The following MAGI2 variants were observed in gnomAD, a reference collection of about 807,000 sequenced individuals.
The protein encoded by MAGI2 is membrane associated guanylate kinase, WW and PDZ domain containing 2.
MAGI2 carries 35 observed loss-of-function variants against 133.3 expected under a neutral mutation model. That is an observed-to-expected ratio of 0.26 (90% CI 0.20 to 0.35). The LOEUF is 0.35. Among genes scored for constraint, MAGI2 ranks in the 10% least tolerant of loss-of-function variants. MAGI2 has a pLI of 1.00. For synonymous variants in MAGI2, 729 were observed against 710.6 expected (o/e 1.03, Z -0.41); for missense variants, 1,636 against 1,863.4 (o/e 0.88, Z 2.25).
intron 1 of MAGI2, among the ~76,000 whole-genome samples, chr7:79,039,857 A>C (rs1175173203): frequency 7.0e-6 from 1 of 143,724 alleles, no homozygotes; most frequent in African/African-American, 2.6e-5. Flanking sequence ...CATATATATT[A>C]TATATATATA....
At chr7:78,403,582 T>C (rs1797102899) in intron 6 of MAGI2, among the ~76,000 whole-genome samples, 1 of 152,214 alleles carries the variant, frequency 6.6e-6, no homozygotes, top group Non-Finnish European at 1.5e-5. Context: ...CACACTGTCT[T>C]CCACAATGGT....
At chr7:78,630,014 A>G (rs1808786884) in intron 2 of MAGI2, among the ~76,000 whole-genome samples, 1 of 151,992 alleles carries the variant, frequency 6.6e-6, no homozygotes, top group South Asian at 2.1e-4. Context: ...AGTTGCATAT[A>G]CAGATATTTT....
chr7:78,662,896 G>A (rs529724779), intron 2 of MAGI2, among the ~76,000 whole-genome samples: 13 of 152,218 alleles, frequency 8.5e-5, no homozygotes, highest in East Asian at 7.7e-4. Context: ...TACCTACTAC[G>A]TACCAGTCAT....
At chr7:79,218,352 C>T (rs1830193002) in intron 1 of MAGI2, among the ~76,000 whole-genome samples, 1 of 152,024 alleles carries the variant, frequency 6.6e-6, no homozygotes, top group Non-Finnish European at 1.5e-5. Flanking sequence ...TATTACATAA[C>T]ATTGAGAATA....
At chr7:78,281,731 C>CATCATCCTGAGGTATTTTCCAGGTGAT (rs1795605237) in intron 9 of MAGI2, among the ~76,000 whole-genome samples, 1 of 151,176 alleles carries the variant, frequency 6.6e-6, no homozygotes, top group African/African-American at 2.4e-5. Context: ...GAAAGCTACA[C>CATCATCCTGAGGTATTTTCCAGGTGAT]ATTATCCTGA....
At chr7:78,342,026 C>A (rs1480723498) in intron 9 of MAGI2, among the ~76,000 whole-genome samples, 1 of 152,002 alleles carries the variant, frequency 6.6e-6, no homozygotes, top group African/African-American at 2.4e-5. Context: ...AACAGGCAAC[C>A]TACAGAATGG....
intron 21 of MAGI2, among the ~76,000 whole-genome samples, chr7:78,040,721 CG>C (rs1433201846): frequency 6.6e-6 from 1 of 152,174 alleles, no homozygotes; most frequent in African/African-American, 2.4e-5. Flanking sequence ...ACACCTCCCA[CG>C]GAGACGTCTA....
chr7:79,029,493 T>G (rs1810355461), intron 1 of MAGI2, among the ~76,000 whole-genome samples: 1 of 152,166 alleles, frequency 6.6e-6, no homozygotes, highest in Non-Finnish European at 1.5e-5. Flanking sequence ...TTTGGTGACC[T>G]GAAATGTTTA....
rs928024060 is a variant in MAGI2 at position 78,485,283 on chromosome 7, G to A, written c.1045+4478C>T. 5 of 151,998 alleles carry A rather than the reference G, an allele frequency of 3.3e-5. No individual in the cohort carries two copies. The South Asian group carries it at 1.0e-3, about 32-fold the overall frequency. The allele number at this position is 151,998 out of a possible 1,614,324, so 9.4% of individuals were successfully genotyped here. A position where few individuals can be genotyped will look rare whatever the true frequency, so the allele number is the denominator to read the frequency against. On this transcript the variant is annotated intron_variant, in intron 6 of 21. Transcript: ENST00000354212. Reference sequence around the variant, plus strand: ...CCCCAAATACTAATATTAGAATCCAGTAGTAGGTGGAGACATTTTTTTCTG... The same window carrying A: ...CCCCAAATACTAATATTAGAATCCAATAGTAGGTGGAGACATTTTTTTCTG...
intron 1 of MAGI2, among the ~76,000 whole-genome samples, chr7:79,158,030 T>C (rs1402722731): frequency 6.6e-6 from 1 of 151,622 alleles, no homozygotes; most frequent in Admixed American, 6.6e-5. Context: ...GGCAGTTAAA[T>C]TGGTTTTAAT....
At chr7:78,505,197 A>G (rs1584428845) in intron 4 of MAGI2, among the ~76,000 whole-genome samples, 2 of 152,268 alleles carry the variant, frequency 1.3e-5, no homozygotes, top group East Asian at 3.9e-4. Flanking sequence ...TATTAATTGC[A>G]TGGGCCAATT....
intron 15 of MAGI2, among the ~76,000 whole-genome samples, chr7:78,167,461 T>C (rs1825725098): frequency 6.6e-6 from 1 of 152,246 alleles, no homozygotes; most frequent in South Asian, 2.1e-4. Context: ...ATTTTTTCTA[T>C]ATCAGGAGCA....
intron 2 of MAGI2, among the ~76,000 whole-genome samples, chr7:78,715,995 C>T (rs11768142): frequency 0.05 from 7,542 of 152,172 alleles, 272 homozygotes; most frequent in Non-Finnish European, 0.077. Context: ...TACCTAAAAC[C>T]AAATTGCCCT....
chr7:78,410,422 A>G (rs942194068), intron 6 of MAGI2, among the ~76,000 whole-genome samples: 9 of 152,020 alleles, frequency 5.9e-5, no homozygotes, highest in African/African-American at 2.2e-4. Flanking sequence ...CTTAGATTAA[A>G]TGATCCTAGA....
In MAGI2 at chr7:78,748,613, C is replaced by T. The variant is rs555744856; in HGVS notation, c.419-121374G>A. 1.2e-4 allele frequency among the ~76,000 whole-genome samples: 18 copies of T among 152,174 alleles called. No individual in the cohort carries two copies. In the South Asian group the frequency reaches 1.2e-3, roughly 11 times the overall value. On this transcript the variant is annotated intron_variant, in intron 2 of 21. Coordinates refer to ENST00000354212, the MANE Select transcript of MAGI2 (RefSeq NM_012301.4). ...TCCTTAATTAAATTACAAACCATTT[C>T]GGGTAGCTGGACATGACATTAGTTT...
At chr7:79,383,260 G>C (rs947423421) in intron 1 of MAGI2, among the ~76,000 whole-genome samples, 2 of 151,566 alleles carry the variant, frequency 1.3e-5, no homozygotes, top group African/African-American at 2.4e-5. Context: ...TGTCCAGGAT[G>C]CTTTACTTCA....
At chr7:78,137,334 A>G (rs560820894) in intron 16 of MAGI2, among the ~76,000 whole-genome samples, 2 of 152,358 alleles carry the variant, frequency 1.3e-5, no homozygotes, top group Admixed American at 1.3e-4. Context: ...GTATACTAAT[A>G]GCATTGACTT....
chr7:78,782,664 G>C (rs781259504), intron 2 of MAGI2, among the ~76,000 whole-genome samples: 1 of 152,052 alleles, frequency 6.6e-6, no homozygotes, highest in Admixed American at 6.6e-5. Context: ...CACTGAGAAA[G>C]ACTGTCAGAA....
At chr7:79,021,049 C>G (rs948390147) in intron 1 of MAGI2, among the ~76,000 whole-genome samples, 2 of 152,228 alleles carry the variant, frequency 1.3e-5, no homozygotes, top group African/African-American at 4.8e-5. Flanking sequence ...TGTGCATGCC[C>G]CAAGCCTTGT....
Sources: allele counts gnomAD v4.1 joint callset (sites outside exome capture counted in the v4.1 genomes callset), GRCh38; gene constraint gnomAD v4.1.1; transcripts MANE v1.5; gene names NCBI Gene and HGNC (gene_info 2026-07-23, HGNC 2026-07-21).